The following RGL1 variants were observed in gnomAD, a reference collection of about 807,000 sequenced individuals.
RGL1 encodes the protein ral guanine nucleotide dissociation stimulator-like 1.
A neutral mutation model predicts 95.2 loss-of-function variants in RGL1; 24 were observed. That is an observed-to-expected ratio of 0.25 (90% CI 0.18 to 0.35). The LOEUF (loss-of-function observed/expected upper bound fraction) is 0.35, where lower values mean the gene tolerates loss of function less well. RGL1 is among the 10% of genes least tolerant of loss of function. The pLI is 1.00. For synonymous variants in RGL1, 329 were observed against 344.9 expected (o/e 0.95, Z 0.51); for missense variants, 715 against 936.3 (o/e 0.76, Z 3.08).
In RGL1 at chr1:183,916,529, T is replaced by G; in HGVS notation, c.1832T>G (p.Leu611Arg). The G allele has an allele frequency of 6.2e-7, 1 of 1,613,174 alleles. No homozygotes were observed. Among genetic ancestry groups the G allele is most frequent in the Non-Finnish European group, 8.5e-7 (1 of 1,179,842 alleles). ...GGGATGTCTTCCTTAATCAACCCCCTCTCCTCCCCTCCGTCCTGCAACAAC... is the reference window on the plus strand; with the variant it reads ...GGGATGTCTTCCTTAATCAACCCCCGCTCCTCCCCTCCGTCCTGCAACAAC... Reference protein sequence around the residue: ...SSGMSSLINPLSSPPSCNNNP... With the variant: ...SSGMSSLINPRSSPPSCNNNP... The change falls in exon 16 of 18, where the codon CTC (leucine) becomes CGC (arginine). Residue 611 changes from leucine to arginine, a missense_variant. Leu to Arg is a moderately radical substitution (Grantham distance 102). Coordinates refer to ENST00000360851, the MANE Select transcript of RGL1 (RefSeq NM_001297671.3).
intron 15 of RGL1, 60 bp from the exon 16 acceptor site, chr1:183,916,387 T>C: frequency 6.3e-7 from 1 of 1,588,526 alleles, no homozygotes; most frequent in Non-Finnish European, 8.6e-7. Flanking sequence ...CTTTGAAAAT[T>C]GCAAAGCTGT....
intron 6 of RGL1, 130 bp from the exon 7 acceptor site, chr1:183,884,593 G>A: frequency 1.4e-6 from 1 of 707,414 alleles, no homozygotes; most frequent in South Asian, 1.9e-5. Flanking sequence ...TGGACACCAT[G>A]AGACAAATCA....
chr1:183,851,945 A>G (rs1183212941), intron 3 of RGL1, among the ~76,000 whole-genome samples: 24 of 152,196 alleles, frequency 1.6e-4, no homozygotes, highest in Non-Finnish European at 1.5e-5. Flanking sequence ...TTGAAATATT[A>G]TTTTGTCAGT....
intron 1 of RGL1, among the ~76,000 whole-genome samples, chr1:183,662,545 C>T (rs2102028957): frequency 6.6e-6 from 1 of 152,228 alleles, no homozygotes. Flanking sequence ...CAAACCACTG[C>T]TCACTGAAAT....
At chr1:183,865,458 T>C (rs1665767822) in intron 3 of RGL1, among the ~76,000 whole-genome samples, 1 of 152,150 alleles carries the variant, frequency 6.6e-6, no homozygotes, top group African/African-American at 2.4e-5. Flanking sequence ...CCAGCCTTAA[T>C]TTTAGGGTCC....
chr1:183,892,241 C>G (rs1192907050), intron 9 of RGL1, 80 bp downstream of exon 9: 69 of 1,010,292 alleles, frequency 6.8e-5, no homozygotes, highest in Non-Finnish European at 2.9e-6. Flanking sequence ...GTGAGGGCTC[C>G]TTAAGTTCCT....
At position 183,869,608 on chromosome 1, in the gene RGL1, TTCTG is replaced by T. The variant is rs928007368; in HGVS notation, c.425+3539_425+3542del. ...TCTTTCTTCCTTCCATTTCCCTTTC[TTCTG>T]TCTTTCTCACTGTTTTTTCCCCACA... On this transcript the variant is annotated intron_variant, in intron 4 of 17. Coordinates refer to ENST00000360851, the MANE Select transcript of RGL1 (RefSeq NM_001297671.3). Among the ~76,000 whole-genome samples, 11 of 152,354 alleles carry T rather than the reference TTCTG, an allele frequency of 7.2e-5. No homozygotes were observed. The East Asian group carries it at 7.7e-4, about 11-fold the overall frequency.
chr1:183,820,578 C>G (rs1329390624), intron 2 of RGL1, among the ~76,000 whole-genome samples: 1 of 152,098 alleles, frequency 6.6e-6, no homozygotes, highest in African/African-American at 2.4e-5. Flanking sequence ...ATCATTGCCA[C>G]TCTCTTGCTC....
intron 14 of RGL1, among the ~76,000 whole-genome samples, chr1:183,908,625 C>T (rs189050471): frequency 5.9e-5 from 9 of 152,232 alleles, no homozygotes; most frequent in African/African-American, 1.9e-4. Flanking sequence ...AGGGGCCTGA[C>T]CAAGCCTTGT....
intron 1 of RGL1, among the ~76,000 whole-genome samples, chr1:183,723,757 G>A (rs948928112): frequency 2.0e-5 from 3 of 152,302 alleles, no homozygotes; most frequent in Non-Finnish European, 4.4e-5. Flanking sequence ...CAACTCCTAG[G>A]CAATCCTAGT....
chr1:183,874,222 A>G (rs867836237), intron 4 of RGL1, among the ~76,000 whole-genome samples: 2 of 132,658 alleles, frequency 1.5e-5, no homozygotes, highest in African/African-American at 2.7e-5. Context: ...GGCGTAGGTT[A>G]AGGAACATGT....
At chr1:183,856,038 A>C (rs73047550) in intron 3 of RGL1, among the ~76,000 whole-genome samples, 3,465 of 152,210 alleles carry the variant, frequency 0.023, 144 homozygotes, top group African/African-American at 0.081. Flanking sequence ...TGGTGGCTCC[A>C]GGATGCACAT....
chr1:183,721,645 C>T (rs1656020247), intron 1 of RGL1, among the ~76,000 whole-genome samples: 1 of 152,228 alleles, frequency 6.6e-6, no homozygotes, highest in Non-Finnish European at 1.5e-5. Flanking sequence ...CAAATGCGCA[C>T]TCTAATTTAG....
intron 1 of RGL1, among the ~76,000 whole-genome samples, chr1:183,640,768 T>C (rs934985853): frequency 1.3e-5 from 2 of 152,240 alleles, no homozygotes; most frequent in Non-Finnish European, 2.9e-5. Flanking sequence ...TTTTCTAATA[T>C]TTCTGTCACC....
At chr1:183,903,161 C>T (rs1048465217) in intron 12 of RGL1, among the ~76,000 whole-genome samples, 6 of 151,928 alleles carry the variant, frequency 3.9e-5, no homozygotes, top group African/African-American at 1.2e-4. Context: ...AAAATAAAAA[C>T]CAGGTTTACC....
At chr1:183,921,588 T>G (rs548356982) in intron 16 of RGL1, among the ~76,000 whole-genome samples, 7 of 152,382 alleles carry the variant, frequency 4.6e-5, no homozygotes, top group Admixed American at 2.0e-4. Context: ...CTCAGTAGGA[T>G]TCTATTATGA....
chr1:183,711,506 G>A (rs1273464557), intron 1 of RGL1, among the ~76,000 whole-genome samples: 1 of 152,128 alleles, frequency 6.6e-6, no homozygotes, highest in African/African-American at 2.4e-5. Context: ...AGAGAGGAGT[G>A]AAATACTATA....
At chr1:183,670,845 A>C (rs754855523) in intron 1 of RGL1, among the ~76,000 whole-genome samples, 8 of 152,142 alleles carry the variant, frequency 5.3e-5, no homozygotes, top group African/African-American at 9.7e-5. Context: ...ATATACTACA[A>C]TTTGTTTATT....
At chr1:183,859,881 G>A (rs1665399258) in intron 3 of RGL1, among the ~76,000 whole-genome samples, 1 of 152,178 alleles carries the variant, frequency 6.6e-6, no homozygotes, top group Admixed American at 6.5e-5. Flanking sequence ...CAGTTCTCAG[G>A]TCAGACTTGG....
Sources: gnomAD v4.1 joint callset for allele counts (sites outside exome capture counted in the v4.1 genomes callset) on GRCh38, gnomAD v4.1.1 for gene constraint, MANE v1.5 for transcripts, NCBI Gene and HGNC (gene_info 2026-07-23, HGNC 2026-07-21) for gene names.